The following MINDY2 variants were observed in gnomAD, a reference collection of about 807,000 sequenced individuals.
The protein encoded by MINDY2 is ubiquitin carboxyl-terminal hydrolase MINDY-2.
A neutral mutation model predicts 68.2 loss-of-function variants in MINDY2; 52 were observed. The observed-to-expected ratio is 0.76, with a 90% CI of 0.61 to 0.96. MINDY2 has a LOEUF of 0.96. Ranked by LOEUF, MINDY2 falls within the 40% of genes least tolerant of loss-of-function variation. The pLI is 0.00. For synonymous variants in MINDY2, 372 were observed against 303.0 expected (o/e 1.23, Z -2.36); for missense variants, 881 against 773.4 (o/e 1.14, Z -1.65).
rs1567079858 is a variant in MINDY2 at position 58,852,972 on chromosome 15, A to ATTTTTTTTT, written c.1737+1007_1737+1008insTTTTTTTTT. Among the ~76,000 whole-genome samples the ATTTTTTTTT allele has an allele frequency of 5.2e-3, 90 of 17,272 alleles. 30 individuals are homozygous for ATTTTTTTTT. The highest frequency in any genetic ancestry group is 0.011 in the Non-Finnish European group (67 of 6,082). The allele number at this position is 17,272 out of a possible 152,430, so 11.3% of individuals were successfully genotyped here. ...TTTTTTTTTTTTTTTTTTTTTTTTA[A>ATTTTTTTTT]GACAGAGTCTCACTCTGTTGCCCAG... On this transcript the variant is annotated intron_variant, in intron 8 of 8. Transcript: ENST00000559228.
At chr15:58,793,315 G>T (rs1403143796) in intron 2 of MINDY2, among the ~76,000 whole-genome samples, 1 of 152,092 alleles carries the variant, frequency 6.6e-6, no homozygotes, top group Non-Finnish European at 1.5e-5. Flanking sequence ...AGTCGGGTGT[G>T]GTGGCACATG....
intron 1 of MINDY2, among the ~76,000 whole-genome samples, chr15:58,777,168 T>C (rs575562683): frequency 7.7e-4 from 117 of 152,302 alleles, no homozygotes; most frequent in African/African-American, 2.8e-3. Flanking sequence ...TTTTGGTCTT[T>C]CCCTAGTTCG....
chr15:58,799,351 A>T (rs1902487881), intron 2 of MINDY2, among the ~76,000 whole-genome samples: 1 of 152,156 alleles, frequency 6.6e-6, no homozygotes, highest in Non-Finnish European at 1.5e-5. Flanking sequence ...GCGGATCACG[A>T]GGTCGGGAGA....
In MINDY2 at chr15:58,810,263, C is replaced by A; in HGVS notation, c.997C>A (p.Leu333Ile). The A allele has an allele frequency of 6.2e-7, 1 of 1,612,532 alleles. No individual in the cohort carries two copies. Among genetic ancestry groups the A allele is most frequent in the Non-Finnish European group, 8.5e-7 (1 of 1,179,602 alleles). Residue 333 changes from leucine (L) to isoleucine (I), a missense_variant, in exon 4 of 9, where the codon CTA becomes ATA. Coordinates refer to ENST00000559228, the MANE Select transcript of MINDY2 (RefSeq NM_001040450.3). Reference sequence around the variant, plus strand: ...TGATGCCATGGCAATTTTGCACAAACTACAGACAGGCCTGGATGTAAATGT... The same window carrying A: ...TGATGCCATGGCAATTTTGCACAAAATACAGACAGGCCTGGATGTAAATGT... ...MSDAMAILHK[L>I]QTGLDVNVRF... is the part of the protein sequence containing the mutation.
intron 6 of MINDY2, among the ~76,000 whole-genome samples, chr15:58,838,555 T>G (rs1453869651): frequency 6.6e-6 from 1 of 151,872 alleles, no homozygotes; most frequent in African/African-American, 2.4e-5. Context: ...ACTTCTATTA[T>G]TTTGTTAGTG....
Position 58,772,013 on chromosome 15 carries a change from G to T in MINDY2, c.618G>T (p.Glu206Asp). The part of the protein sequence containing the change: ...GAENRVPEEE[E>D]GAAVLPGAVP... ...AGAACAGGGTCCCTGAGGAGGAGGA[G>T]GGCGCGGCGGTGTTGCCCGGGGCTG... is the stretch of plus-strand genomic sequence containing the variant. Residue 206 changes from glutamate to aspartate, a missense_variant, in exon 1 of 9, where the codon GAG becomes GAT. By Grantham distance (45) the Glu-to-Asp change is conservative (BLOSUM62 2). Coordinates refer to ENST00000559228, the MANE Select transcript of MINDY2 (RefSeq NM_001040450.3). 6.3e-7 allele frequency: 1 copy of T among 1,595,954 alleles called. No homozygotes were observed.
At chr15:58,794,892 A>G (rs1902177618) in intron 2 of MINDY2, among the ~76,000 whole-genome samples, 1 of 152,080 alleles carries the variant, frequency 6.6e-6, no homozygotes, top group African/African-American at 2.4e-5. Flanking sequence ...TGGTATTTAA[A>G]TCTGTGGAAG....
chr15:58,785,739 C>T (rs893566813), intron 1 of MINDY2, among the ~76,000 whole-genome samples: 1 of 152,078 alleles, frequency 6.6e-6, no homozygotes, highest in South Asian at 2.1e-4. Flanking sequence ...CGTAGTGGCA[C>T]GATCTCTGCT....
intron 7 of MINDY2, among the ~76,000 whole-genome samples, chr15:58,849,721 T>G (rs2032720509): frequency 6.6e-6 from 1 of 152,184 alleles, no homozygotes. Context: ...GCTATATATA[T>G]GACAAGATCT....
intron 2 of MINDY2, among the ~76,000 whole-genome samples, chr15:58,788,221 C>T (rs1384885627): frequency 1.3e-5 from 2 of 152,102 alleles, no homozygotes; most frequent in Admixed American, 6.6e-5. Context: ...ATCTTAATCC[C>T]AATAAATTGT....
intron 3 of MINDY2, among the ~76,000 whole-genome samples, chr15:58,805,937 T>C (rs1902975862): frequency 2.0e-5 from 3 of 152,094 alleles, no homozygotes; most frequent in African/African-American, 4.8e-5. Context: ...TAGCTGGGCG[T>C]GGTGGCACGT....
chr15:58,799,885 A>G (rs1317274936), intron 2 of MINDY2, among the ~76,000 whole-genome samples: 2 of 152,234 alleles, frequency 1.3e-5, no homozygotes, highest in Non-Finnish European at 2.9e-5. Flanking sequence ...GGGCAGGAAT[A>G]TGAAACTCAA....
chr15:58,791,882 T>G (rs534062701), intron 2 of MINDY2, among the ~76,000 whole-genome samples: 1 of 151,792 alleles, frequency 6.6e-6, no homozygotes, highest in African/African-American at 2.4e-5. Context: ...GTAGACCGAG[T>G]CTGGGATATG....
At chr15:58,782,811 G>A (rs1901230364) in intron 1 of MINDY2, among the ~76,000 whole-genome samples, 1 of 151,698 alleles carries the variant, frequency 6.6e-6, no homozygotes, top group Admixed American at 6.6e-5. Flanking sequence ...TTCTTTGAAT[G>A]GAGGTAATAA....
At chr15:58,809,748 A>G (rs1473242460) in intron 3 of MINDY2, among the ~76,000 whole-genome samples, 3 of 152,204 alleles carry the variant, frequency 2.0e-5, no homozygotes, top group African/African-American at 7.2e-5. Flanking sequence ...TCCCAATAGA[A>G]TGTTAGTTGC....
At chr15:58,847,249 G>T (rs759214857) in intron 6 of MINDY2, 48 bp from the exon 7 acceptor site, 59 of 1,429,964 alleles carry the variant, frequency 4.1e-5, no homozygotes, top group Non-Finnish European at 4.9e-5. Context: ...TATATTACTA[G>T]TTTTGATCAA....
chr15:58,818,672 G>C (rs1359921769), intron 4 of MINDY2, among the ~76,000 whole-genome samples: 1 of 134,410 alleles, frequency 7.4e-6, no homozygotes, highest in Non-Finnish European at 1.6e-5. Flanking sequence ...TTTTTTTTGA[G>C]ACAGTGTTTT....
chr15:58,818,877 G>A (rs2030877756), intron 4 of MINDY2, among the ~76,000 whole-genome samples: 1 of 151,992 alleles, frequency 6.6e-6, no homozygotes, highest in African/African-American at 2.4e-5. Context: ...CTGACCTCAG[G>A]TGATCTGCCC....
chr15:58,803,297 T>G (rs1395446329), intron 3 of MINDY2, among the ~76,000 whole-genome samples: 1 of 145,892 alleles, frequency 6.9e-6, no homozygotes, highest in African/African-American at 2.5e-5. Flanking sequence ...AAACCCCATT[T>G]CTACTAAAAA....
Sources: gnomAD v4.1 joint callset for allele counts (sites outside exome capture counted in the v4.1 genomes callset) on GRCh38, gnomAD v4.1.1 for gene constraint, MANE v1.5 for transcripts, NCBI Gene and HGNC (gene_info 2026-07-23, HGNC 2026-07-21) for gene names.